EXD3: variants seen among roughly 807,000 people sequenced by gnomAD.
The protein encoded by EXD3 is exonuclease mut-7 homolog.
EXD3 carries 92 observed loss-of-function variants against 98.0 expected under a neutral mutation model. The ratio of observed to expected loss-of-function variants is 0.94; its 90% CI spans 0.79 to 1.12. The LOEUF (loss-of-function observed/expected upper bound fraction) is 1.12. Ranked by LOEUF, EXD3 falls within the 50% of genes most tolerant of loss-of-function variation. The probability of loss-of-function intolerance (pLI) is 0.00; values close to 1 mark genes in which losing one functional copy is unlikely to be tolerated. For missense variants in EXD3, 1,222 were observed against 1,191.6 expected, an observed-to-expected ratio of 1.03 and a Z score of -0.38; for synonymous variants, 569 against 526.0, an observed-to-expected ratio of 1.08 and a Z score of -1.12.
At chr9:137,409,103 G>A (rs1837874928) in intron 1 of EXD3, among the ~76,000 whole-genome samples, 1 of 152,220 alleles carries the variant, frequency 6.6e-6, no homozygotes. Flanking sequence ...GTGCCCGGGG[G>A]GTGAGGATCC....
In EXD3 at chr9:137,405,255, G is replaced by A. The variant is rs893844409; in HGVS notation, c.-47-9851C>T. Among the ~76,000 whole-genome samples, 28 of 152,192 alleles carry A rather than the reference G, an allele frequency of 1.8e-4. No homozygotes were observed. The highest frequency in any genetic ancestry group is 1.8e-3 in the Admixed American group (28 of 15,282). On this transcript the variant is annotated intron_variant, in intron 1 of 21. Transcript: ENST00000340951. This position sits in a 1 kb window ranked among gnomAD's most constrained non-coding sequence, Gnocchi z 4.1. ...TGGGCTCTGACCCACAGAGGGCTGG[G>A]CCAGCACCCCCGGGGGAAGGCGGTG... is the stretch of plus-strand genomic sequence containing the variant.
In EXD3 at chr9:137,405,223, G is replaced by T. The variant is rs945489488; in HGVS notation, c.-47-9819C>A. The stretch of plus-strand genomic sequence containing the variant: ...GGACCTCCTAACTGCGCTGGGGTCC[G>T]GCACAGTGGGCTCTGACCCACAGAG... On this transcript the variant is annotated intron_variant, in intron 1 of 21. Transcript: ENST00000340951. This position sits in a 1 kb window ranked among gnomAD's most constrained non-coding sequence, Gnocchi z 4.1. Among the ~76,000 whole-genome samples the T allele has an allele frequency of 6.6e-6, 1 of 152,204 alleles. No homozygotes were observed. The highest frequency in any genetic ancestry group is 2.1e-4 in the South Asian group (1 of 4,826).
rs1202517433 is a variant in EXD3, at chr9:137,403,894, TCA to T, written c.-47-8492_-47-8491del. Among the ~76,000 whole-genome samples, 1 of 152,150 alleles carries T rather than the reference TCA, an allele frequency of 6.6e-6. No homozygotes were observed. The highest frequency in any genetic ancestry group is 2.4e-5 in the African/African-American group (1 of 41,452). On this transcript the variant is annotated intron_variant, in intron 1 of 21. Transcript: ENST00000340951. This position sits in a 1 kb window ranked among gnomAD's most constrained non-coding sequence, Gnocchi z 6.1. ...AGGGATGGGTCCCGAGGCGGGGCAG[TCA>T]CACCCCCACGCCATCTCTGCATAGA...
rs1453735885 is a variant in EXD3, at chr9:137,356,212, C to T, written c.757+56G>A. 6 of 1,344,554 alleles carry T rather than the reference C, an allele frequency of 4.5e-6. No homozygotes were observed. The South Asian group carries it at 6.3e-5, about 14-fold the overall frequency. 83.3% of individuals were successfully genotyped at this position (1,344,554 alleles called of 1,614,324 possible). ...CCCCAGTCACAGAGGATGTCCCTGG[C>T]CACGCTTGGCGGCTCTCCCTGGCCT... On this transcript the variant is annotated intron_variant, in intron 8 of 21. Coordinates refer to ENST00000340951, the MANE Select transcript of EXD3 (RefSeq NM_017820.5).
chr9:137,394,962 G>A (rs945617244), intron 2 of EXD3, among the ~76,000 whole-genome samples: 3 of 152,036 alleles, frequency 2.0e-5, no homozygotes, highest in African/African-American at 7.2e-5. Flanking sequence ...GGCTCCCCGA[G>A]GGACAGAGGG....
At chr9:137,406,927 C>T (rs1345600654) in intron 1 of EXD3, among the ~76,000 whole-genome samples, 1 of 152,060 alleles carries the variant, frequency 6.6e-6, no homozygotes, top group Non-Finnish European at 1.5e-5. Context: ...GCAGCCCCAG[C>T]CAGGCCGTCA....
chr9:137,375,222 T>C (rs1835839123), intron 3 of EXD3, among the ~76,000 whole-genome samples: 1 of 152,190 alleles, frequency 6.6e-6, no homozygotes, highest in South Asian at 2.1e-4. Context: ...TTAGCCAGGA[T>C]GGTCTCGATC....
chr9:137,358,671 T>A (rs1327828144), intron 7 of EXD3, among the ~76,000 whole-genome samples: 6 of 152,184 alleles, frequency 3.9e-5, no homozygotes, highest in Admixed American at 3.9e-4. Flanking sequence ...CTGTAACTCC[T>A]ACTTAAAACT....
chr9:137,393,359 C>G lies in EXD3; in HGVS notation c.55+1944G>C. ...CCCACACAGGTGCAGGCCCGGGGCC[C>G]GCAGATGGCCTCAGAGGAGGCGGTG... On this transcript the variant is annotated intron_variant, in intron 2 of 21. Coordinates refer to ENST00000340951, the MANE Select transcript of EXD3 (RefSeq NM_017820.5). This position sits in a 1 kb window ranked among gnomAD's most constrained non-coding sequence, Gnocchi z 4.6. The G allele has an allele frequency of 1.5e-6, 1 of 659,350 alleles. No homozygotes were observed. Among genetic ancestry groups the G allele is most frequent in the East Asian group, 2.7e-5 (1 of 36,616 alleles). 40.8% of individuals were successfully genotyped at this position (659,350 alleles called of 1,614,324 possible). A position where few individuals can be genotyped will look rare whatever the true frequency, so the allele number is the denominator to read the frequency against.
intron 5 of EXD3, among the ~76,000 whole-genome samples, chr9:137,368,250 G>A (rs1835374203): frequency 6.6e-6 from 1 of 152,258 alleles, no homozygotes; most frequent in African/African-American, 2.4e-5. Context: ...GGGACTCAAG[G>A]GGGTGGCTGG....
At chr9:137,372,699 T>C (rs1372302693) in intron 5 of EXD3, among the ~76,000 whole-genome samples, 1 of 152,114 alleles carries the variant, frequency 6.6e-6, no homozygotes, top group Non-Finnish European at 1.5e-5. Flanking sequence ...CCCTGACATC[T>C]CTGTTGGCTC....
intron 10 of EXD3, chr9:137,353,554 G>T (rs946829953): frequency 2.4e-4 from 236 of 985,978 alleles, no homozygotes; most frequent in Non-Finnish European, 2.6e-4. Flanking sequence ...GACCAAGGGG[G>T]TCCTGAGAAA....
intron 17 of EXD3, among the ~76,000 whole-genome samples, chr9:137,332,979 A>T (rs1833165770): frequency 6.6e-6 from 1 of 152,170 alleles, no homozygotes; most frequent in South Asian, 2.1e-4. Context: ...GGGTGTTGCC[A>T]AAGGGGATTC....
Position 137,367,968 on chromosome 9 carries a change from A to T in EXD3, c.484T>A (p.Leu162Met). Residue 162 changes from leucine to methionine, a missense_variant, in exon 6 of 22, where the codon TTG becomes ATG. Transcript: ENST00000340951. ...ACGCCAAGCTCCGACTGCAGCTTCA[A>T]CGTCGCGCCCAGCGTGGCTGCCTGG... ...FREAATLGAT[L>M]KLQSELGVEK... 6.2e-7 allele frequency: 1 copy of T among 1,611,790 alleles called. No individual in the cohort carries two copies. Among genetic ancestry groups the T allele is most frequent in the South Asian group, 1.1e-5 (1 of 91,056 alleles).
In EXD3 at chr9:137,395,382, G is replaced by A. The variant is rs1368064360; in HGVS notation, c.-25C>T. 1.9e-6 allele frequency: 3 copies of A among 1,613,162 alleles called. No homozygotes were observed. In the African/African-American group the frequency reaches 4.0e-5, roughly 22 times the overall value. On this transcript the variant is annotated 5_prime_UTR_variant, in exon 2 of 22. Coordinates refer to ENST00000340951, the MANE Select transcript of EXD3 (RefSeq NM_017820.5). This position sits in a 1 kb window ranked among gnomAD's most constrained non-coding sequence, Gnocchi z 6.5. ...TCCTCAGGGCCGGGCCGAGGACGCT[G>A]GCAGGCAGCTAGGAACGAGGATCTG...
intron 20 of EXD3, among the ~76,000 whole-genome samples, chr9:137,308,845 C>T: frequency 6.6e-6 from 1 of 152,108 alleles, no homozygotes; most frequent in South Asian, 2.1e-4. Context: ...ACCATGTTAG[C>T]CACCACCATT....
chr9:137,316,670 G>T lies in EXD3; in HGVS notation c.2185-6970C>A, dbSNP rs1366455372. On this transcript the variant is annotated intron_variant, in intron 19 of 21. Coordinates refer to ENST00000340951, the MANE Select transcript of EXD3 (RefSeq NM_017820.5). ...AAGCTGGGGCCTGGCAGGCCAGGGG[G>T]AGACGGAGGCTGCTCCGGGCTGCAG... 2.0e-5 allele frequency among the ~76,000 whole-genome samples: 3 copies of T among 152,242 alleles called. No individual in the cohort carries two copies. The East Asian group carries it at 5.8e-4, about 29-fold the overall frequency.
At chr9:137,373,156 A>G in intron 4 of EXD3, 84 bp from the exon 5 acceptor site, 1 of 1,446,944 alleles carries the variant, frequency 6.9e-7, no homozygotes, top group Non-Finnish European at 9.2e-7. Flanking sequence ...CTGGCTTAGG[A>G]AGCAGCGCCT....
chr9:137,355,668 AAAGGGAGGATGGAGG>A (rs1834707598), intron 8 of EXD3, among the ~76,000 whole-genome samples: 1 of 8,054 alleles, frequency 1.2e-4, no homozygotes, highest in East Asian at 5.9e-3. Flanking sequence ...GAGGAAGGAG[AAAGGGAGGATGGAGG>A]AAGGAGAAAG....
Sources: gnomAD v4.1 joint callset for allele counts (sites outside exome capture counted in the v4.1 genomes callset) on GRCh38, gnomAD v4.1.1 for gene constraint, Gnocchi (gnomAD v3.1) non-coding constraint, MANE v1.5 for transcripts, NCBI Gene and HGNC (gene_info 2026-07-23, HGNC 2026-07-21) for gene names.